Variants in CLSTN2 observed in about 807,000 individuals in gnomAD.
CLSTN2 encodes calsyntenin 2, also known as calsyntenin-2.
Under a neutral mutation model 101.2 loss-of-function variants are expected in CLSTN2, and 48 were observed. That is an observed-to-expected ratio of 0.47 (90% CI 0.38 to 0.60). The LOEUF is 0.60. Among genes scored for constraint, CLSTN2 ranks in the 20% least tolerant of loss-of-function variants. The probability of loss-of-function intolerance (pLI) is 0.00; values close to 1 mark genes in which losing one functional copy is unlikely to be tolerated. For synonymous variants in CLSTN2, 481 were observed against 463.6 expected, an observed-to-expected ratio of 1.04 and a Z score of -0.48; for missense variants, 1,160 against 1,238.2, an observed-to-expected ratio of 0.94 and a Z score of 0.95.
intron 2 of CLSTN2, among the ~76,000 whole-genome samples, chr3:140,197,034 A>G (rs2010654508): frequency 6.6e-6 from 1 of 152,224 alleles, no homozygotes; most frequent in Non-Finnish European, 1.5e-5. Flanking sequence ...AGCTGGAGAT[A>G]AGGAAGCTTA....
chr3:140,240,863 C>A (rs1211667947), intron 2 of CLSTN2, among the ~76,000 whole-genome samples: 1 of 152,094 alleles, frequency 6.6e-6, no homozygotes, highest in Non-Finnish European at 1.5e-5. Flanking sequence ...GGGTCCCTGC[C>A]TTTATATCCC....
At chr3:140,124,516 A>G (rs979025906) in intron 1 of CLSTN2, among the ~76,000 whole-genome samples, 5 of 152,204 alleles carry the variant, frequency 3.3e-5, no homozygotes, top group Admixed American at 3.3e-4. Context: ...AAGTAGAGCC[A>G]TAGGCCTTGC....
At chr3:140,407,472 C>T (rs2088316297) in intron 4 of CLSTN2, among the ~76,000 whole-genome samples, 1 of 152,150 alleles carries the variant, frequency 6.6e-6, no homozygotes, top group African/African-American at 2.4e-5. Context: ...AATTCCTCCC[C>T]ATGAAATTAT....
intron 2 of CLSTN2, among the ~76,000 whole-genome samples, chr3:140,345,451 T>C (rs2087537062): frequency 6.6e-6 from 1 of 151,980 alleles, no homozygotes; most frequent in African/African-American, 2.4e-5. Flanking sequence ...GGTCTCACTA[T>C]GTTGACCAGG....
At chr3:140,473,862 A>G (rs924457248) in intron 8 of CLSTN2, among the ~76,000 whole-genome samples, 2 of 151,980 alleles carry the variant, frequency 1.3e-5, no homozygotes, top group Non-Finnish European at 2.9e-5. Flanking sequence ...GGCTCACGCA[A>G]TTCTCCTGCC....
intron 2 of CLSTN2, among the ~76,000 whole-genome samples, chr3:140,239,454 T>C (rs2086441640): frequency 6.6e-6 from 1 of 152,050 alleles, no homozygotes; most frequent in Non-Finnish European, 1.5e-5. Flanking sequence ...GTTAAAAGAG[T>C]TTTTAAAATG....
intron 1 of CLSTN2, among the ~76,000 whole-genome samples, chr3:140,003,234 T>C (rs1004856113): frequency 3.9e-5 from 6 of 152,146 alleles, no homozygotes; most frequent in Non-Finnish European, 5.9e-5. Context: ...CTTCAATTTC[T>C]GTGTTTTACA....
At chr3:140,556,452 C>T (rs1273313773) in intron 10 of CLSTN2, 61 bp from the exon 11 acceptor site, 1 of 1,564,256 alleles carries the variant, frequency 6.4e-7, no homozygotes, top group Non-Finnish European at 8.8e-7. Context: ...AGGAAGTGCT[C>T]CCATAAAACC....
Position 140,235,236 on chromosome 3 carries a change from T to C in CLSTN2, c.232+59163T>C, listed in dbSNP as rs535925099. On this transcript the variant is annotated intron_variant, in intron 2 of 16. Transcript: ENST00000458420. ...ACATAGCTGGGCACAATGGACTGAT[T>C]AATGTACATTGCCTAAGATAGTAGA... Among the ~76,000 whole-genome samples the C allele has an allele frequency of 2.9e-3, 447 of 152,324 alleles. 4 individuals carry two copies. Among genetic ancestry groups the C allele is most frequent in the Non-Finnish European group, 4.9e-3 (336 of 68,032 alleles).
At chr3:140,291,324 T>G (rs577882859) in intron 2 of CLSTN2, among the ~76,000 whole-genome samples, 2 of 151,796 alleles carry the variant, frequency 1.3e-5, no homozygotes, top group African/African-American at 4.8e-5. Flanking sequence ...CTTCCTAATA[T>G]GTATCTGAAA....
At chr3:140,255,064 A>G (rs1185751883) in intron 2 of CLSTN2, among the ~76,000 whole-genome samples, 1 of 152,182 alleles carries the variant, frequency 6.6e-6, no homozygotes, top group Non-Finnish European at 1.5e-5. Context: ...TCATATCAGT[A>G]ATCATTAGGG....
chr3:140,357,079 G>A (rs2087678741), intron 2 of CLSTN2, among the ~76,000 whole-genome samples: 1 of 152,166 alleles, frequency 6.6e-6, no homozygotes, highest in Non-Finnish European at 1.5e-5. Flanking sequence ...ACTCAACCAT[G>A]TAACCATTGT....
chr3:140,180,309 C>G (rs745604806), intron 2 of CLSTN2, among the ~76,000 whole-genome samples: 1 of 152,178 alleles, frequency 6.6e-6, no homozygotes, highest in African/African-American at 2.4e-5. Context: ...TCTAAGTTCT[C>G]TTTCCCTGTG....
rs1985748498 is a variant in CLSTN2, at chr3:140,576,938, G to A, written c.*10685G>A. The A allele has an allele frequency of 6.6e-6, 1 of 152,204 alleles. No individual in the cohort carries two copies. Among genetic ancestry groups the A allele is most frequent in the Non-Finnish European group, 1.5e-5 (1 of 68,032 alleles). The allele number at this position is 152,204 out of a possible 1,614,324, so 9.4% of individuals were successfully genotyped here. Reference sequence around the variant, plus strand: ...GGACTGTATGAATTTATAGAAAATTGAATCTAATTTCAGAAGAGCGCACTG... The same window carrying A: ...GGACTGTATGAATTTATAGAAAATTAAATCTAATTTCAGAAGAGCGCACTG... On this transcript the variant is annotated 3_prime_UTR_variant, in exon 17 of 17. Transcript: ENST00000458420.
chr3:140,552,470 C>T (rs952324313), intron 10 of CLSTN2, among the ~76,000 whole-genome samples: 14 of 151,724 alleles, frequency 9.2e-5, no homozygotes, highest in African/African-American at 3.4e-4. Context: ...AAGAACTATG[C>T]TGATGGCTAG....
intron 8 of CLSTN2, among the ~76,000 whole-genome samples, chr3:140,522,394 C>T (rs59323628): frequency 0.07 from 10,719 of 152,272 alleles, 1,252 homozygotes; most frequent in African/African-American, 0.24. Context: ...CGTATGGCCT[C>T]GCAAGTCTTA....
intron 1 of CLSTN2, among the ~76,000 whole-genome samples, chr3:140,169,745 A>G (rs548495344): frequency 1.3e-5 from 2 of 152,142 alleles, no homozygotes; most frequent in East Asian, 1.9e-4. Context: ...TACATTTTGG[A>G]TACTCCATTA....
chr3:140,225,989 A>G (rs2086316395), intron 2 of CLSTN2, among the ~76,000 whole-genome samples: 1 of 152,186 alleles, frequency 6.6e-6, no homozygotes, highest in Admixed American at 6.5e-5. Flanking sequence ...GGTGATACCA[A>G]CACAAGCTTA....
At chr3:140,419,027 CTT>C (rs1553741911) in intron 4 of CLSTN2, among the ~76,000 whole-genome samples, 15,312 of 148,322 alleles carry the variant, frequency 0.1, 1,356 homozygotes, top group African/African-American at 0.26. Context: ...ATTGGTGGAC[CTT>C]TTTTTAAAAA....
Sources: allele counts gnomAD v4.1 joint callset (sites outside exome capture counted in the v4.1 genomes callset), GRCh38; gene constraint gnomAD v4.1.1; transcripts MANE v1.5; gene names NCBI Gene and HGNC (gene_info 2026-07-23, HGNC 2026-07-21).